The following LRRFIP2 variants were observed in gnomAD, a reference collection of about 807,000 sequenced individuals.
LRRFIP2 encodes the protein LRR binding FLII interacting protein 2.
In LRRFIP2, 109 loss-of-function variants were observed where a neutral mutation model predicts 125.9. The observed-to-expected ratio is 0.87, with a 90% CI of 0.74 to 1.01. The LOEUF is 1.01. Among genes scored for constraint, LRRFIP2 ranks in the 50% least tolerant of loss-of-function variants. The probability of loss-of-function intolerance (pLI) is 0.00; values close to 1 mark genes in which losing one functional copy is unlikely to be tolerated. For missense variants in LRRFIP2, 850 were observed against 862.3 expected (o/e 0.99, Z 0.18); for synonymous variants, 291 against 293.1 (o/e 0.99, Z 0.07).
At chr3:37,097,550 T>C (rs531353838) in intron 15 of LRRFIP2, among the ~76,000 whole-genome samples, 50 of 152,332 alleles carry the variant, frequency 3.3e-4, no homozygotes, top group African/African-American at 1.2e-3. Flanking sequence ...TCAAAATTTG[T>C]TGGATGAATG....
At chr3:37,147,017 A>T (rs1040626244) in intron 2 of LRRFIP2, among the ~76,000 whole-genome samples, 3 of 152,124 alleles carry the variant, frequency 2.0e-5, no homozygotes, top group African/African-American at 7.2e-5. Context: ...AGAAATTTAC[A>T]AGAAAAAAAA....
At chr3:37,084,007 T>A (rs1483378327) in intron 18 of LRRFIP2, among the ~76,000 whole-genome samples, 1 of 152,110 alleles carries the variant, frequency 6.6e-6, no homozygotes, top group Non-Finnish European at 1.5e-5. Flanking sequence ...ATAAGAACAA[T>A]ATGTGCTCTC....
intron 24 of LRRFIP2, among the ~76,000 whole-genome samples, chr3:37,061,013 G>C (rs1285930428): frequency 6.6e-6 from 1 of 152,202 alleles, no homozygotes. Flanking sequence ...TCATGGGGCA[G>C]ATCCCTCATG....
chr3:37,129,379 G>A (rs1322437536), intron 2 of LRRFIP2, among the ~76,000 whole-genome samples: 1 of 152,042 alleles, frequency 6.6e-6, no homozygotes, highest in African/African-American at 2.4e-5. Context: ...TTAACTTCTT[G>A]TTTGATTACA....
Position 37,151,121 on chromosome 3 carries a change from G to A in LRRFIP2, c.-55-2083C>T, listed in dbSNP as rs548328033. Among the ~76,000 whole-genome samples, 4 of 152,240 alleles carry A rather than the reference G, an allele frequency of 2.6e-5. No individual in the cohort carries two copies. In the South Asian group the frequency reaches 8.3e-4, roughly 32 times the overall value. ...ATGCCTGTAATACAACACTTTGGGA[G>A]GCCAAGGCGGGCAAATCACAGGAGA... is the stretch of plus-strand genomic sequence containing the variant. On this transcript the variant is annotated intron_variant, in intron 1 of 27. Transcript: ENST00000336686.
intron 19 of LRRFIP2, among the ~76,000 whole-genome samples, chr3:37,075,620 A>C (rs946842857): frequency 6.6e-6 from 1 of 152,162 alleles, no homozygotes; most frequent in African/African-American, 2.4e-5. Flanking sequence ...ACATTATAAA[A>C]ATGCCAGTTC....
At chr3:37,147,269 T>G (rs2095879150) in intron 2 of LRRFIP2, among the ~76,000 whole-genome samples, 1 of 152,186 alleles carries the variant, frequency 6.6e-6, no homozygotes, top group Non-Finnish European at 1.5e-5. Context: ...AGAATGTTAG[T>G]TAGTTCAACC....
chr3:37,072,610 GTTC>G (rs1178271490), intron 21 of LRRFIP2, among the ~76,000 whole-genome samples, 177 bp downstream of exon 21: 1 of 151,514 alleles, frequency 6.6e-6, no homozygotes, highest in Non-Finnish European at 1.5e-5. Context: ...GAAAAGAAGA[GTTC>G]TTCCAGGCAC....
At chr3:37,159,985 T>C (rs1440351615) in intron 1 of LRRFIP2, among the ~76,000 whole-genome samples, 2 of 83,790 alleles carry the variant, frequency 2.4e-5, no homozygotes, top group Non-Finnish European at 4.3e-5. Flanking sequence ...GTAAGCCCTA[T>C]GCGCAAAAAA....
chr3:37,117,130 A>G (rs2094826963), intron 6 of LRRFIP2, among the ~76,000 whole-genome samples: 1 of 151,638 alleles, frequency 6.6e-6, no homozygotes. Flanking sequence ...TTGTTTAAAA[A>G]AAAAAAAAAA....
intron 1 of LRRFIP2, chr3:37,172,691 C>T (rs2150444649): frequency 6.6e-6 from 1 of 152,290 alleles, no homozygotes; most frequent in East Asian, 1.9e-4. Flanking sequence ...AAAACAAATG[C>T]ATACATATGT....
At chr3:37,058,344 ACT>A (rs1246138409) in intron 25 of LRRFIP2, among the ~76,000 whole-genome samples, 1 of 152,168 alleles carries the variant, frequency 6.6e-6, no homozygotes, top group Non-Finnish European at 1.5e-5. Context: ...CTAGCCAAGG[ACT>A]AACCAATTTT....
intron 15 of LRRFIP2, among the ~76,000 whole-genome samples, chr3:37,096,945 T>C (rs1386042748): frequency 6.6e-6 from 1 of 152,106 alleles, no homozygotes; most frequent in Non-Finnish European, 1.5e-5. Context: ...TAAAGAAGGC[T>C]ACATATAAAG....
At chr3:37,054,375 G>T in intron 27 of LRRFIP2, 36 bp downstream of exon 27, 2 of 1,494,168 alleles carry the variant, frequency 1.3e-6, no homozygotes, top group African/African-American at 1.4e-5. Flanking sequence ...TTCTTTTTAG[G>T]AATGTATTCT....
At chr3:37,057,664 G>A (rs970481086) in intron 25 of LRRFIP2, among the ~76,000 whole-genome samples, 3 of 152,030 alleles carry the variant, frequency 2.0e-5, no homozygotes, top group Non-Finnish European at 4.4e-5. Context: ...ACCACGCCTG[G>A]CCCCAACATG....
At chr3:37,174,918 C>T (rs969941749), upstream of LRRFIP2, 1 of 152,118 alleles carries the variant, frequency 6.6e-6, no homozygotes, top group African/African-American at 2.4e-5. Context: ...AATTCTTATT[C>T]TACATATTAT....
chr3:37,071,303 C>T (rs1034036209), intron 21 of LRRFIP2, among the ~76,000 whole-genome samples: 1 of 152,200 alleles, frequency 6.6e-6, no homozygotes, highest in Non-Finnish European at 1.5e-5. Context: ...CTGCAGCCTC[C>T]ATCGTGTGGG....
chr3:37,058,779 C>T lies in LRRFIP2; in HGVS notation c.1870+11G>A. 1 of 1,613,888 alleles carries T rather than the reference C, an allele frequency of 6.2e-7. No individual in the cohort carries two copies. Among genetic ancestry groups the T allele is most frequent in the Non-Finnish European group, 8.5e-7 (1 of 1,179,874 alleles). ...ATACAGACTGGGACTGGCCTGTCCC[C>T]TGGTACCTACTCTGCATTTCGATGA... On this transcript the variant is annotated intron_variant, in intron 25 of 27. Coordinates refer to ENST00000336686, the MANE Select transcript of LRRFIP2 (RefSeq NM_006309.4).
intron 1 of LRRFIP2, among the ~76,000 whole-genome samples, chr3:37,165,556 A>G (rs1039834515): frequency 1.3e-5 from 2 of 152,034 alleles, no homozygotes; most frequent in Non-Finnish European, 2.9e-5. Context: ...CAAGAGTTCA[A>G]GACCAGCCTG....
Sources: gnomAD v4.1 joint callset for allele counts (sites outside exome capture counted in the v4.1 genomes callset) on GRCh38, gnomAD v4.1.1 for gene constraint, MANE v1.5 for transcripts, NCBI Gene and HGNC (gene_info 2026-07-23, HGNC 2026-07-21) for gene names.